The following NRXN3 variants were observed in gnomAD, a reference collection of about 807,000 sequenced individuals.
NRXN3 encodes neurexin 3.
In NRXN3, 32 loss-of-function variants were observed where a neutral mutation model predicts 137.6. The ratio of observed to expected loss-of-function variants is 0.23; its 90% CI spans 0.18 to 0.31. The LOEUF (loss-of-function observed/expected upper bound fraction) is 0.31, where lower values mean the gene tolerates loss of function less well. Ranked by LOEUF, NRXN3 falls within the 10% of genes least tolerant of loss-of-function variation. NRXN3 has a pLI of 1.00. For synonymous variants in NRXN3, 798 were observed against 784.5 expected, an observed-to-expected ratio of 1.02 and a Z score of -0.29; for missense variants, 1,574 against 2,062.5, an observed-to-expected ratio of 0.76 and a Z score of 4.59.
chr14:79,773,900 G>A (rs950088427), intron 19 of NRXN3, among the ~76,000 whole-genome samples: 5 of 150,580 alleles, frequency 3.3e-5, no homozygotes, highest in South Asian at 4.2e-4. Context: ...TCTGCTCACC[G>A]GTAGGTTATA....
chr14:78,478,013 TC>T (rs2095409353), intron 4 of NRXN3, among the ~76,000 whole-genome samples: 1 of 152,146 alleles, frequency 6.6e-6, no homozygotes, highest in Admixed American at 6.5e-5. Context: ...AAAATTAGGC[TC>T]AACATAGTGA....
chr14:79,857,863 A>G (rs535661227), intron 20 of NRXN3, among the ~76,000 whole-genome samples: 1 of 152,170 alleles, frequency 6.6e-6, no homozygotes, highest in Non-Finnish European at 1.5e-5. Flanking sequence ...TTTGTTGTCT[A>G]AAAATCAGCA....
At chr14:79,494,750 T>A (rs1026812006) in intron 16 of NRXN3, among the ~76,000 whole-genome samples, 3 of 152,182 alleles carry the variant, frequency 2.0e-5, no homozygotes, top group African/African-American at 7.2e-5. Context: ...GAGCTTCCAC[T>A]AACGTTAAAA....
intron 4 of NRXN3, among the ~76,000 whole-genome samples, chr14:78,542,562 G>C (rs959489690): frequency 6.6e-6 from 1 of 152,184 alleles, no homozygotes; most frequent in South Asian, 2.1e-4. Flanking sequence ...GTATTTGGGC[G>C]GGAGTGTCCC....
intron 19 of NRXN3, among the ~76,000 whole-genome samples, chr14:79,699,680 A>T (rs2098747779): frequency 7.2e-5 from 11 of 152,056 alleles, no homozygotes. Flanking sequence ...CTTGCTAGTG[A>T]TTATAACTCT....
intron 10 of NRXN3, among the ~76,000 whole-genome samples, chr14:78,832,956 A>G (rs1007991492): frequency 3.9e-5 from 6 of 152,190 alleles, no homozygotes; most frequent in Non-Finnish European, 5.9e-5. Flanking sequence ...CATGGAATTT[A>G]CAATCTAAGT....
intron 10 of NRXN3, among the ~76,000 whole-genome samples, chr14:78,821,476 T>C (rs1444660524): frequency 6.6e-6 from 1 of 151,846 alleles, no homozygotes; most frequent in Non-Finnish European, 1.5e-5. Flanking sequence ...ACAATGCCCA[T>C]AGGACTGAAG....
At chr14:78,889,742 C>A (rs1402332553) in intron 10 of NRXN3, among the ~76,000 whole-genome samples, 1 of 151,880 alleles carries the variant, frequency 6.6e-6, no homozygotes, top group African/African-American at 2.4e-5. Context: ...AACACACATA[C>A]CACATTTGTT....
At chr14:79,401,474 C>G (rs902467571) in intron 15 of NRXN3, among the ~76,000 whole-genome samples, 1 of 152,130 alleles carries the variant, frequency 6.6e-6, no homozygotes, top group African/African-American at 2.4e-5. Context: ...TTTTAACAAG[C>G]CTTCTGGTTG....
At chr14:78,939,819 T>A (rs2099349569) in intron 10 of NRXN3, among the ~76,000 whole-genome samples, 1 of 152,252 alleles carries the variant, frequency 6.6e-6, no homozygotes. Context: ...TTCATCCTTT[T>A]TATCTTTGTT....
chr14:78,996,717 G>A (rs2099530925), intron 15 of NRXN3, among the ~76,000 whole-genome samples: 1 of 152,160 alleles, frequency 6.6e-6, no homozygotes, highest in South Asian at 2.1e-4. Context: ...TGAGTCCTGA[G>A]AAGTCAGTGA....
At chr14:78,359,766 C>T (rs561345764) in intron 4 of NRXN3, among the ~76,000 whole-genome samples, 156 of 152,254 alleles carry the variant, frequency 1.0e-3, no homozygotes, top group African/African-American at 3.4e-3. Context: ...TTGGGAAATA[C>T]ACACTTGTAC....
rs545426680 is a variant in NRXN3 at position 78,494,979 on chromosome 14, A to T, written c.758-150141A>T. ...CTCACTCTGAAGAAAAGCAGGATGG[A>T]TTGATTCATGGAATATGGAAGTGTT... On this transcript the variant is annotated intron_variant, in intron 4 of 20. Coordinates refer to ENST00000335750, the MANE Select transcript of NRXN3 (RefSeq NM_001330195.2). Among the ~76,000 whole-genome samples the T allele has an allele frequency of 7.3e-4, 111 of 152,002 alleles. 1 individual carries two copies. Among genetic ancestry groups the T allele is most frequent in the Middle Eastern group, 6.9e-3 (2 of 288 alleles).
At chr14:78,312,807 C>G (rs567742750) in intron 4 of NRXN3, among the ~76,000 whole-genome samples, 1 of 152,078 alleles carries the variant, frequency 6.6e-6, no homozygotes, top group African/African-American at 2.4e-5. Flanking sequence ...CGAGGGCTCT[C>G]AAGTGTCAAA....
At chr14:79,368,249 A>G (rs1010238075) in intron 15 of NRXN3, among the ~76,000 whole-genome samples, 1 of 152,216 alleles carries the variant, frequency 6.6e-6, no homozygotes, top group Non-Finnish European at 1.5e-5. Context: ...ATGAGAATAT[A>G]TGAAAAGTTG....
At chr14:79,485,317 A>T (rs2096645326) in intron 16 of NRXN3, among the ~76,000 whole-genome samples, 1 of 152,104 alleles carries the variant, frequency 6.6e-6, no homozygotes, top group Non-Finnish European at 1.5e-5. Context: ...TTCCATCCTT[A>T]AGAGAGTAAA....
intron 8 of NRXN3, among the ~76,000 whole-genome samples, chr14:78,768,956 T>C (rs2152993101): frequency 6.6e-6 from 1 of 152,336 alleles, no homozygotes; most frequent in Non-Finnish European, 1.5e-5. Flanking sequence ...TAAATCATTG[T>C]CCACTGGTAA....
chr14:78,682,464 C>T (rs7144065), intron 6 of NRXN3, among the ~76,000 whole-genome samples: 46,980 of 151,314 alleles, frequency 0.31, 8,268 homozygotes, highest in African/African-American at 0.49. Context: ...AGTCATTGGG[C>T]TTTTTGAGCC....
At chr14:78,732,947 C>G (rs1045965560) in intron 8 of NRXN3, among the ~76,000 whole-genome samples, 2 of 152,072 alleles carry the variant, frequency 1.3e-5, no homozygotes, top group African/African-American at 4.8e-5. Context: ...GAAATTTGCT[C>G]AAGTCTGGGA....
Sources: gnomAD v4.1 joint callset for allele counts (sites outside exome capture counted in the v4.1 genomes callset) on GRCh38, gnomAD v4.1.1 for gene constraint, MANE v1.5 for transcripts, NCBI Gene and HGNC (gene_info 2026-07-23, HGNC 2026-07-21) for gene names.